Variants in PRR3 observed in about 807,000 individuals in gnomAD.
PRR3 encodes the protein proline-rich protein 3.
PRR3 carries 16 observed loss-of-function variants against 22.4 expected under a neutral mutation model. The ratio of observed to expected loss-of-function variants is 0.71; its 90% CI spans 0.48 to 1.09. The LOEUF is 1.09. PRR3 is among the 50% of genes least tolerant of loss of function. The pLI is 0.00. For missense variants in PRR3, 224 were observed against 243.4 expected (o/e 0.92, Z 0.53); for synonymous variants, 87 against 88.6 (o/e 0.98, Z 0.10).
chr6:30,561,150 G>GA lies in PRR3; in HGVS notation c.170-683dup, dbSNP rs1800601125. 1 of 295,714 alleles carries GA rather than the reference G, an allele frequency of 3.4e-6. No homozygotes were observed. Among genetic ancestry groups the GA allele is most frequent in the African/African-American group, 2.3e-5 (1 of 43,554 alleles). The allele number at this position is 295,714 out of a possible 1,614,324, so 18.3% of individuals were successfully genotyped here. ...TCAAGGCTATAGGACAACTGCTGGT[G>GA]AGAGTGCAAATTGGTATAACCACTG... On this transcript the variant is annotated intron_variant, in intron 2 of 3. Transcript: ENST00000376560. The surrounding 1 kb of genome is among the most constrained non-coding windows in gnomAD (Gnocchi z 4.0).
rs1385337967 is a variant in PRR3 at position 30,558,163 on chromosome 6, T to C, written c.120T>C (p.Leu40=). The C allele has an allele frequency of 6.2e-7, 1 of 1,613,022 alleles. No homozygotes were observed. Among genetic ancestry groups the C allele is most frequent in the Non-Finnish European group, 8.5e-7 (1 of 1,179,994 alleles). Residue 40 remains leucine (L), a synonymous_variant, in exon 2 of 4, where the codon CTT becomes CTC. Coordinates refer to ENST00000376560, the MANE Select transcript of PRR3 (RefSeq NM_025263.4). The stretch of plus-strand genomic sequence containing the variant: ...GTCTGCTCTTAGGACCACCCAGCCT[T>C]CTGGGCCCTCCCCCCATGGCCAATG... ...EDGSPIGPPS[L]LGPPPMANGK...
At position 30,562,095 on chromosome 6, in the gene PRR3, C is replaced by T. The variant is rs751749669; in HGVS notation, c.431C>T (p.Pro144Leu). Residue 144 changes from proline (P) to leucine (L), a missense_variant, in exon 3 of 4, where the codon CCG becomes CTG. By Grantham distance (98) the Pro-to-Leu change is moderately conservative (BLOSUM62 -3). Coordinates refer to ENST00000376560, the MANE Select transcript of PRR3 (RefSeq NM_025263.4). ...KSWSLIKNTC[P>L]PKDDPQVMED... ...TGGTCTCTTATCAAGAATACCTGCC[C>T]GCCCAAGGATGACCCCCAGGTTATG... 3.6e-5 allele frequency: 57 copies of T among 1,600,788 alleles called. No individual in the cohort carries two copies. Among genetic ancestry groups the T allele is most frequent in the Non-Finnish European group, 4.3e-5 (51 of 1,174,086 alleles).
intron 1 of PRR3, 121 bp downstream of exon 1, chr6:30,557,571 AGGGATGGAAGTG>A (rs995599005): frequency 5.3e-5 from 36 of 674,840 alleles, no homozygotes; most frequent in Non-Finnish European, 7.3e-5. Flanking sequence ...CGCGCTGGGG[AGGGATGGAAGTG>A]GGGCTCTCCC....
In PRR3 at chr6:30,557,360, A is replaced by C. The variant is rs202139698; in HGVS notation, c.16A>C (p.Lys6Gln). 73 of 1,612,542 alleles carry C rather than the reference A, an allele frequency of 4.5e-5. No homozygotes were observed. In the African/African-American group the frequency reaches 6.8e-4, roughly 15 times the overall value. ...CGCAGACACGATGCCGAAACGAAAGAAGCAGAATCATCACCAGCCACCGAC... is the reference window on the plus strand; with the variant it reads ...CGCAGACACGATGCCGAAACGAAAGCAGCAGAATCATCACCAGCCACCGAC... MPKRKKQNHHQPPTQQ... is the reference protein window; with the variant it reads MPKRKQQNHHQPPTQQ... Residue 6 changes from lysine to glutamine, a missense_variant, in exon 1 of 4, where the codon AAG becomes CAG. Transcript: ENST00000376560.
In PRR3 at chr6:30,557,413, G is replaced by A. The variant is rs1424760884; in HGVS notation, c.69G>A (p.Arg23=). 4 of 1,612,420 alleles carry A rather than the reference G, an allele frequency of 2.5e-6. No homozygotes were observed. The Admixed American group carries it at 6.7e-5, about 27-fold the overall frequency. ...AGCAGCAGCCCCCGCTGCCCGAGCG[G>A]GAAGAGACTGGAGATGAGGAGGATG... is the stretch of plus-strand genomic sequence containing the variant. ...PTQQQPPLPE[R]EETGDEEDGS... is the part of the protein sequence containing the mutation. Residue 23 remains arginine (R), a synonymous_variant, in exon 1 of 4, where the codon CGG becomes CGA. Coordinates refer to ENST00000376560, the MANE Select transcript of PRR3 (RefSeq NM_025263.4).
rs906115040 is a variant in PRR3, at chr6:30,563,653, T to G, written c.*1158T>G. ...CTGTTGGAGAACTGAGAATGAGGTT[T>G]TTTTTTTTTTTTTCTTTTTAACTTT... On this transcript the variant is annotated 3_prime_UTR_variant, in exon 4 of 4. Coordinates refer to ENST00000376560, the MANE Select transcript of PRR3 (RefSeq NM_025263.4). 1.8e-4 allele frequency: 27 copies of G among 151,398 alleles called. No homozygotes were observed. The highest frequency in any genetic ancestry group is 2.1e-4 in the South Asian group (1 of 4,806). The allele number at this position is 151,398 out of a possible 1,614,324, so 9.4% of individuals were successfully genotyped here.
chr6:30,561,786 G>A lies in PRR3; in HGVS notation c.170-48G>A. On this transcript the variant is annotated intron_variant, in intron 2 of 3. Transcript: ENST00000376560. The surrounding 1 kb of genome is among the most constrained non-coding windows in gnomAD (Gnocchi z 4.0). ...TTTAATCACGGTTTATCAGGATTCA[G>A]CTGCCCATTAGACACCTTTCTGTGT... 6.8e-7 allele frequency: 1 copy of A among 1,469,616 alleles called. No individual in the cohort carries two copies. The highest frequency in any genetic ancestry group is 1.4e-5 in the African/African-American group (1 of 69,982). 91.0% of individuals were successfully genotyped at this position (1,469,616 alleles called of 1,614,324 possible).
In PRR3 at chr6:30,561,866, C is replaced by A. The variant is rs1327463301; in HGVS notation, c.202C>A (p.Pro68Thr). 1 of 1,582,126 alleles carries A rather than the reference C, an allele frequency of 6.3e-7. No individual in the cohort carries two copies. Among genetic ancestry groups the A allele is most frequent in the Middle Eastern group, 1.7e-4 (1 of 6,030 alleles). Residue 68 changes from proline (P) to threonine (T), a missense_variant, in exon 3 of 4, where the codon CCA (proline) becomes ACA (threonine). Physicochemically the swap from Pro to Thr is conservative, Grantham distance 38 (BLOSUM62 -1). Coordinates refer to ENST00000376560, the MANE Select transcript of PRR3 (RefSeq NM_025263.4). The surrounding 1 kb of genome is among the most constrained non-coding windows in gnomAD (Gnocchi z 4.0). ...CAGAGGTCCTCCAGGATCAAGGGGA[C>A]CACTGATTCCACCACTGCTGAGTCT... The part of the protein sequence containing the change: ...LHRGPPGSRG[P>T]LIPPLLSLPP...
rs34193607 is a variant in PRR3, at chr6:30,561,177, G to GA, written c.170-649dup. 2.5e-5 allele frequency: 8 copies of GA among 322,964 alleles called. No homozygotes were observed. The highest frequency in any genetic ancestry group is 8.9e-5 in the Admixed American group (2 of 22,398). The allele number at this position is 322,964 out of a possible 1,614,324, so 20.0% of individuals were successfully genotyped here. ...GAGTGCAAATTGGTATAACCACTGT[G>GA]AAAAAAAAGTTTGGCATTATGTATG... is the stretch of plus-strand genomic sequence containing the variant. On this transcript the variant is annotated intron_variant, in intron 2 of 3. Coordinates refer to ENST00000376560, the MANE Select transcript of PRR3 (RefSeq NM_025263.4). This position sits in a 1 kb window ranked among gnomAD's most constrained non-coding sequence, Gnocchi z 4.0.
At chr6:30,557,475 AC>A in intron 1 of PRR3, 25 bp downstream of exon 1, 1 of 1,542,416 alleles carries the variant, frequency 6.5e-7, no homozygotes, top group African/African-American at 1.4e-5. Flanking sequence ...AGGGATGTGC[AC>A]ATGCCTGTCA....
At chr6:30,558,962 ATAAT>A (rs1441043361) in intron 2 of PRR3, among the ~76,000 whole-genome samples, 2 of 152,272 alleles carry the variant, frequency 1.3e-5, no homozygotes, top group African/African-American at 4.8e-5. Context: ...AGGTAAGAGA[ATAAT>A]TATTCTAGAA....
At position 30,562,015 on chromosome 6, in the gene PRR3, TC is replaced by T; in HGVS notation, c.354del (p.Thr119ProfsTer86). ...CTTTTCCGGGGCCAGGCCATGGGGG[TC>T]CCACCAGGGGAAGCTTTCACAAGGA... ...PPFPGPGHGG[P>X]TRGSFHKEQR... is the part of the protein sequence containing the mutation. On this transcript the variant is annotated frameshift_variant, in exon 3 of 4. Transcript: ENST00000376560. LOFTEE classifies it high-confidence loss of function. 1 of 1,612,708 alleles carries T rather than the reference TC, an allele frequency of 6.2e-7. No homozygotes were observed. Among genetic ancestry groups the T allele is most frequent in the Non-Finnish European group, 8.5e-7 (1 of 1,179,962 alleles).
intron 2 of PRR3, among the ~76,000 whole-genome samples, chr6:30,559,186 A>G (rs1257033695): frequency 6.6e-6 from 1 of 151,796 alleles, no homozygotes; most frequent in Non-Finnish European, 1.5e-5. Context: ...GACCAGCCTG[A>G]CCAACATGGT....
chr6:30,561,359 A>G lies in PRR3; in HGVS notation c.170-475A>G, dbSNP rs750860422. ...ACTGGATACCACCCACATGTCCATC[A>G]TCAGTAGAATGGATAAATAAATTGT... On this transcript the variant is annotated intron_variant, in intron 2 of 3. Transcript: ENST00000376560. The surrounding 1 kb of genome is among the most constrained non-coding windows in gnomAD (Gnocchi z 4.0). 7 of 461,106 alleles carry G rather than the reference A, an allele frequency of 1.5e-5. No homozygotes were observed. The highest frequency in any genetic ancestry group is 1.1e-4 in the South Asian group (7 of 64,570). The allele number at this position is 461,106 out of a possible 1,614,324, so 28.6% of individuals were successfully genotyped here. A position where few individuals can be genotyped will look rare whatever the true frequency, so the allele number is the denominator to read the frequency against.
In PRR3 at chr6:30,562,048, A is replaced by T; in HGVS notation, c.384A>T (p.Arg128Ser). The change falls in exon 3 of 4, where the codon AGA (arginine) becomes AGT (serine). Residue 128 changes from arginine to serine, a missense_variant. Arg to Ser is a moderately radical substitution (Grantham distance 110). Transcript: ENST00000376560. ...PTRGSFHKEQRNPRRLKSWSL... is the reference protein window; with the variant it reads ...PTRGSFHKEQSNPRRLKSWSL... ...GGGGAAGCTTTCACAAGGAACAGAG[A>T]AACCCTCGAAGGCTCAAAAGCTGGT... The T allele has an allele frequency of 6.2e-7, 1 of 1,612,850 alleles. No homozygotes were observed. The highest frequency in any genetic ancestry group is 2.2e-5 in the East Asian group (1 of 44,890).
At chr6:30,557,121 A>T, upstream of PRR3, 1 of 702,672 alleles carries the variant, frequency 1.4e-6, no homozygotes, top group Non-Finnish European at 2.6e-6. Flanking sequence ...ATAGAAACGC[A>T]GCAAAGGGAA....
In PRR3 at chr6:30,562,125, G is replaced by C; in HGVS notation, c.460+1G>C. On this transcript the variant is annotated splice_donor_variant, in intron 3 of 3. Coordinates refer to ENST00000376560, the MANE Select transcript of PRR3 (RefSeq NM_025263.4). LOFTEE classifies it high-confidence loss of function. ...AAGGATGACCCCCAGGTTATGGAAGGTGAGGTCCATTTTGTTATGCCCATT... is the reference window on the plus strand; with the variant it reads ...AAGGATGACCCCCAGGTTATGGAAGCTGAGGTCCATTTTGTTATGCCCATT... 6.4e-7 allele frequency: 1 copy of C among 1,563,602 alleles called. No individual in the cohort carries two copies.
At chr6:30,557,102 A>G, upstream of PRR3, 1 of 702,578 alleles carries the variant, frequency 1.4e-6, no homozygotes, top group Non-Finnish European at 2.6e-6. Flanking sequence ...TAATTTTTTC[A>G]AAGCATTTAT....
rs773300595 is a variant in PRR3 at position 30,561,789 on chromosome 6, G to A, written c.170-45G>A. On this transcript the variant is annotated intron_variant, in intron 2 of 3. Transcript: ENST00000376560. This position sits in a 1 kb window ranked among gnomAD's most constrained non-coding sequence, Gnocchi z 4.0. ...AATCACGGTTTATCAGGATTCAGCT[G>A]CCCATTAGACACCTTTCTGTGTCTC... 2 of 1,476,008 alleles carry A rather than the reference G, an allele frequency of 1.4e-6. No homozygotes were observed. The highest frequency in any genetic ancestry group is 1.8e-6 in the Non-Finnish European group (2 of 1,112,334). 91.4% of individuals were successfully genotyped at this position (1,476,008 alleles called of 1,614,324 possible).
Sources: allele counts gnomAD v4.1 joint callset (sites outside exome capture counted in the v4.1 genomes callset), GRCh38; gene constraint gnomAD v4.1.1; non-coding constraint Gnocchi (gnomAD v3.1); transcripts MANE v1.5; gene names NCBI Gene and HGNC (gene_info 2026-07-23, HGNC 2026-07-21).